The following ADI1 variants were observed in gnomAD, a reference collection of about 807,000 sequenced individuals.
The protein encoded by ADI1 is acireductone dioxygenase 1, also known as acireductone dioxygenase.
ADI1 carries 21 observed loss-of-function variants against 18.7 expected under a neutral mutation model. That is an observed-to-expected ratio of 1.13 (90% CI 0.80 to 1.62). The LOEUF (loss-of-function observed/expected upper bound fraction) is 1.62. ADI1 is among the 40% of genes most tolerant of loss of function. The pLI is 0.00. For synonymous variants in ADI1, 90 were observed against 100.1 expected, an observed-to-expected ratio of 0.90 and a Z score of 0.60; for missense variants, 245 against 254.9, an observed-to-expected ratio of 0.96 and a Z score of 0.26.
chr2:3,516,068 A>C (rs13012839), intron 1 of ADI1: 2 of 980,346 alleles, frequency 2.0e-6, no homozygotes, highest in South Asian at 4.7e-5. Flanking sequence ...GACACGTGTC[A>C]TAAGTTTAAA....
At chr2:3,512,657 T>C (rs956275296) in intron 2 of ADI1, among the ~76,000 whole-genome samples, 3 of 152,184 alleles carry the variant, frequency 2.0e-5, no homozygotes, top group African/African-American at 7.2e-5. Context: ...AGAGAATGTA[T>C]GGAAAAGCCT....
chr2:3,498,968 C>A lies in ADI1; in HGVS notation c.535G>T (p.Ala179Ser), dbSNP rs961401919. ...GQYVKFLAQT[A>S] Reference sequence around the variant, plus strand: ...TTAGTTCCCAGGCAGCACTGCTAGGCGGTCTGTGCCAGAAATTTCACGTAC... The same window carrying A: ...TTAGTTCCCAGGCAGCACTGCTAGGAGGTCTGTGCCAGAAATTTCACGTAC... The change falls in exon 4 of 4, where the codon GCC becomes TCC. Residue 179 changes from alanine (A) to serine (S), a missense_variant. Coordinates refer to ENST00000327435, the MANE Select transcript of ADI1 (RefSeq NM_018269.4). The A allele has an allele frequency of 3.1e-6, 5 of 1,610,944 alleles. No individual in the cohort carries two copies. In the African/African-American group the frequency reaches 5.3e-5, roughly 17 times the overall value.
At chr2:3,518,854 C>T (rs1008713158) in intron 1 of ADI1, among the ~76,000 whole-genome samples, 2 of 152,222 alleles carry the variant, frequency 1.3e-5, no homozygotes, top group South Asian at 4.1e-4. Flanking sequence ...CCCTGCCGGC[C>T]GACCCTTCAG....
chr2:3,508,334 C>CAA lies in ADI1; in HGVS notation c.240+5521_240+5522dup, dbSNP rs33977448. Among the ~76,000 whole-genome samples, 33 of 26,926 alleles carry CAA rather than the reference C, an allele frequency of 1.2e-3. 5 individuals are homozygous for CAA. The highest frequency in any genetic ancestry group is 2.2e-3 in the African/African-American group (27 of 12,148). The allele number at this position is 26,926 out of a possible 152,430, so 17.7% of individuals were successfully genotyped here. A position where few individuals can be genotyped will look rare whatever the true frequency, so the allele number is the denominator to read the frequency against. On this transcript the variant is annotated intron_variant, in intron 2 of 3. Transcript: ENST00000327435. ...TGGGCAACAGAGTGAGACTCTGTCT[C>CAA]AAAAAAAAAAAAAAAAAAAAAAAAA...
intron 2 of ADI1, among the ~76,000 whole-genome samples, chr2:3,505,296 C>A (rs1400382724): frequency 6.6e-6 from 1 of 152,170 alleles, no homozygotes; most frequent in African/African-American, 2.4e-5. Context: ...GAGAGACAGG[C>A]AGACAGAAAG....
intron 2 of ADI1, among the ~76,000 whole-genome samples, chr2:3,511,499 G>C (rs913695288): frequency 6.6e-6 from 1 of 152,194 alleles, no homozygotes; most frequent in African/African-American, 2.4e-5. Context: ...GGCCTCCCCA[G>C]AAGCAGATGG....
Position 3,498,922 on chromosome 2 carries a change from G to T in ADI1, c.*41C>A. The stretch of plus-strand genomic sequence containing the variant: ...GATTTTCTGCTCAGTCATTACATTG[G>T]GGACCTTTACGAGGCACGTGTTAGT... On this transcript the variant is annotated 3_prime_UTR_variant, in exon 4 of 4. Coordinates refer to ENST00000327435, the MANE Select transcript of ADI1 (RefSeq NM_018269.4). The T allele has an allele frequency of 6.3e-7, 1 of 1,577,806 alleles. No individual in the cohort carries two copies. The highest frequency in any genetic ancestry group is 1.1e-5 in the South Asian group (1 of 88,952).
intron 2 of ADI1, among the ~76,000 whole-genome samples, chr2:3,504,786 T>C (rs930074799): frequency 3.9e-5 from 6 of 151,934 alleles, no homozygotes; most frequent in Non-Finnish European, 7.4e-5. Context: ...CTGTGTATGT[T>C]TGTATTGTTG....
chr2:3,517,091 C>G, intron 1 of ADI1: 1 of 201,146 alleles, frequency 5.0e-6, no homozygotes, highest in Non-Finnish European at 8.9e-6. Flanking sequence ...CAAAATGCAG[C>G]CACTCATGCC....
intron 1 of ADI1, chr2:3,516,474 CAAAAAAAA>C (rs140151431): frequency 9.5e-5 from 7 of 73,872 alleles, no homozygotes; most frequent in Non-Finnish European, 1.5e-4. Flanking sequence ...GGCTCCATCT[CAAAAAAAA>C]AAAAAAAAAA....
At chr2:3,510,526 A>G (rs1418338904) in intron 2 of ADI1, among the ~76,000 whole-genome samples, 1 of 152,216 alleles carries the variant, frequency 6.6e-6, no homozygotes, top group Non-Finnish European at 1.5e-5. Context: ...GAGAGGATCA[A>G]TACAATTGAT....
chr2:3,513,601 T>A (rs1488776785), intron 2 of ADI1, among the ~76,000 whole-genome samples: 1 of 152,174 alleles, frequency 6.6e-6, no homozygotes, highest in Non-Finnish European at 1.5e-5. Context: ...CCTCTTTGCC[T>A]TCTGCCATGT....
intron 2 of ADI1, among the ~76,000 whole-genome samples, chr2:3,502,743 C>T (rs117705956): frequency 0.012 from 1,751 of 152,248 alleles, 31 homozygotes; most frequent in South Asian, 0.068. Flanking sequence ...AGCCACCGCA[C>T]ACGGCGACAA....
Position 3,513,923 on chromosome 2 carries a change from C to G in ADI1, c.174G>C (p.Glu58Asp). The G allele has an allele frequency of 6.2e-7, 1 of 1,612,562 alleles. No homozygotes were observed. Among genetic ancestry groups the G allele is most frequent in the Non-Finnish European group, 8.5e-7 (1 of 1,179,732 alleles). ...TGATGTCCATCCAGGAGTAGTTCCTCTCTCTTCGGATCTTTTCTAATTCTG... is the reference window on the plus strand; with the variant it reads ...TGATGTCCATCCAGGAGTAGTTCCTGTCTCTTCGGATCTTTTCTAATTCTG... ...NDPELEKIRRERNYSWMDIIT... is the reference protein window; with the variant it reads ...NDPELEKIRRDRNYSWMDIIT... The change falls in exon 2 of 4, where the codon GAG (glutamate) becomes GAC (aspartate). Residue 58 changes from glutamate (E) to aspartate (D), a missense_variant. Physicochemically the swap from Glu to Asp is conservative, Grantham distance 45. Coordinates refer to ENST00000327435, the MANE Select transcript of ADI1 (RefSeq NM_018269.4).
chr2:3,513,969 G>A lies in ADI1; in HGVS notation c.128C>T (p.Ala43Val), dbSNP rs761788749. ...TTCTGGATCATTCTCATATTTGTCA[G>A]CATCCAGCTAAAAGAGTTAACCCAC... ...RLGVLYWKLD[A>V]DKYENDPELE... The change falls in exon 2 of 4, where the codon GCT becomes GTT. Residue 43 changes from alanine (A) to valine (V), a missense_variant. Physicochemically the swap from Ala to Val is moderately conservative, Grantham distance 64 (BLOSUM62 0). Coordinates refer to ENST00000327435, the MANE Select transcript of ADI1 (RefSeq NM_018269.4). 5 of 1,604,018 alleles carry A rather than the reference G, an allele frequency of 3.1e-6. No homozygotes were observed. The highest frequency in any genetic ancestry group is 1.7e-5 in the Admixed American group (1 of 57,268).
rs757220050 is a variant in ADI1 at position 3,513,876 on chromosome 2, A to T, written c.221T>A (p.Leu74Gln). ...MDIITICKDKLPNYEEKIKMF... is the reference protein window; with the variant it reads ...MDIITICKDKQPNYEEKIKMF... ...CCTTACCTTTTCTTCATAATTTGGT[A>T]GTTTATCTTTGCATATGGTTATGAT... is the stretch of plus-strand genomic sequence containing the variant. Residue 74 changes from leucine (L) to glutamine (Q), a missense_variant, in exon 2 of 4, where the codon CTA becomes CAA. Coordinates refer to ENST00000327435, the MANE Select transcript of ADI1 (RefSeq NM_018269.4). 1.9e-6 allele frequency: 3 copies of T among 1,605,184 alleles called. No homozygotes were observed. The highest frequency in any genetic ancestry group is 1.7e-6 in the Non-Finnish European group (2 of 1,178,044).
chr2:3,510,760 C>T (rs1399256386), intron 2 of ADI1, among the ~76,000 whole-genome samples: 3 of 151,950 alleles, frequency 2.0e-5, no homozygotes, highest in Non-Finnish European at 2.9e-5. Context: ...CCTGAATAGC[C>T]CTACATCTAG....
At chr2:3,508,035 T>A (rs1667212558) in intron 2 of ADI1, among the ~76,000 whole-genome samples, 1 of 151,656 alleles carries the variant, frequency 6.6e-6, no homozygotes, top group Non-Finnish European at 1.5e-5. Context: ...AAGAGGGGAA[T>A]ATTTAAAAAC....
intron 1 of ADI1, chr2:3,516,091 G>C: frequency 1.0e-6 from 1 of 964,878 alleles, no homozygotes; most frequent in Non-Finnish European, 1.2e-6. Context: ...TACGAATGTT[G>C]AAACTTAACA....
Sources: gnomAD v4.1 joint callset for allele counts (sites outside exome capture counted in the v4.1 genomes callset) on GRCh38, gnomAD v4.1.1 for gene constraint, MANE v1.5 for transcripts, NCBI Gene and HGNC (gene_info 2026-07-23, HGNC 2026-07-21) for gene names.